Variants in MAGI3 observed in about 807,000 individuals in gnomAD.
The protein encoded by MAGI3 is membrane associated guanylate kinase, WW and PDZ domain containing 3, also known as membrane-associated guanylate kinase, WW and PDZ domain-containing protein 3.
MAGI3 carries 43 observed loss-of-function variants against 121.8 expected under a neutral mutation model. The ratio of observed to expected loss-of-function variants is 0.35; its 90% CI spans 0.28 to 0.46. MAGI3 has a LOEUF of 0.46. Ranked by LOEUF, MAGI3 falls within the 20% of genes least tolerant of loss-of-function variation. The pLI, the probability that MAGI3 is intolerant of heterozygous loss-of-function variation, is 1.00. For synonymous variants in MAGI3, 553 were observed against 639.3 expected, an observed-to-expected ratio of 0.86 and a Z score of 2.04; for missense variants, 1,547 against 1,797.3, an observed-to-expected ratio of 0.86 and a Z score of 2.52.
intron 1 of MAGI3, among the ~76,000 whole-genome samples, chr1:113,460,008 G>A (rs1420498521): frequency 6.6e-6 from 1 of 152,170 alleles, no homozygotes; most frequent in Non-Finnish European, 1.5e-5. Flanking sequence ...GAACATTGAT[G>A]TACAAATCCT....
intron 12 of MAGI3, among the ~76,000 whole-genome samples, chr1:113,648,250 C>T (rs1460375519): frequency 6.6e-6 from 1 of 152,092 alleles, no homozygotes; most frequent in African/African-American, 2.4e-5. Flanking sequence ...GATACTGCTT[C>T]TATAGAATAT....
chr1:113,657,339 C>T (rs889466789), intron 15 of MAGI3, among the ~76,000 whole-genome samples: 5 of 152,180 alleles, frequency 3.3e-5, no homozygotes, highest in Admixed American at 3.3e-4. Context: ...TTAACTGTTC[C>T]GGTGACACTG....
chr1:113,431,069 A>G (rs748550767), intron 1 of MAGI3, among the ~76,000 whole-genome samples: 5 of 152,198 alleles, frequency 3.3e-5, no homozygotes, highest in Admixed American at 2.0e-4. Flanking sequence ...ACCTGGGGAC[A>G]TACACAGACC....
intron 2 of MAGI3, among the ~76,000 whole-genome samples, chr1:113,565,341 C>A (rs1660399997): frequency 6.6e-6 from 1 of 152,072 alleles, no homozygotes; most frequent in Admixed American, 6.6e-5. Flanking sequence ...ATCTCATTTT[C>A]TTTTTTAATT....
At chr1:113,650,947 A>C in intron 13 of MAGI3, 67 bp from the exon 14 acceptor site, 37 of 1,353,674 alleles carry the variant, frequency 2.7e-5, no homozygotes, top group Non-Finnish European at 3.3e-5. Context: ...ATGCTAAGTT[A>C]GGAATTCCTT....
chr1:113,608,424 A>C (rs1206148671), intron 6 of MAGI3, among the ~76,000 whole-genome samples: 1 of 152,228 alleles, frequency 6.6e-6, no homozygotes, highest in African/African-American at 2.4e-5. Flanking sequence ...CCAGAGACAG[A>C]CAGATGAAGT....
chr1:113,479,642 T>C (rs1249202292), intron 1 of MAGI3, among the ~76,000 whole-genome samples: 1 of 152,238 alleles, frequency 6.6e-6, no homozygotes, highest in Non-Finnish European at 1.5e-5. Flanking sequence ...CATTTTTTTC[T>C]TCCAGATTTG....
Position 113,642,211 on chromosome 1 carries a change from A to G in MAGI3, c.1661A>G (p.Asn554Ser), listed in dbSNP as rs748670223. ...CACACTTTGACTGGTGATGGTCTCA[A>G]TGGACCATCAGATGCAAGTGAGCAG... ...SGHTLTGDGL[N>S]GPSDASEQRV... The change falls in exon 10 of 21, where the codon AAT becomes AGT. Residue 554 changes from asparagine (N) to serine (S), a missense_variant. Coordinates refer to ENST00000307546, the MANE Select transcript of MAGI3 (RefSeq NM_001142782.2). 1.4e-5 allele frequency: 22 copies of G among 1,614,000 alleles called. No individual in the cohort carries two copies. Among genetic ancestry groups the G allele is most frequent in the Non-Finnish European group, 1.6e-5 (19 of 1,179,972 alleles).
chr1:113,635,719 G>A (rs1408670271), intron 9 of MAGI3, among the ~76,000 whole-genome samples: 21 of 152,280 alleles, frequency 1.4e-4, no homozygotes, highest in Middle Eastern at 3.4e-3. Flanking sequence ...CAGCTTTGGT[G>A]TCAGGATGAT....
chr1:113,505,434 T>C (rs12138058), intron 1 of MAGI3, among the ~76,000 whole-genome samples: 1,838 of 151,786 alleles, frequency 0.012, 14 homozygotes, highest in Non-Finnish European at 0.02. Flanking sequence ...ATTCAACAAA[T>C]ATTTCTTGAT....
intron 16 of MAGI3, among the ~76,000 whole-genome samples, chr1:113,661,885 T>C (rs1229680707): frequency 6.6e-6 from 1 of 152,220 alleles, no homozygotes; most frequent in Non-Finnish European, 1.5e-5. Flanking sequence ...TTTTTTAAAC[T>C]ATGAAAACAT....
At chr1:113,604,861 T>C (rs955366415) in intron 6 of MAGI3, among the ~76,000 whole-genome samples, 3 of 151,436 alleles carry the variant, frequency 2.0e-5, no homozygotes, top group South Asian at 4.2e-4. Context: ...AAACTACATA[T>C]TGGGTATAAT....
intron 1 of MAGI3, among the ~76,000 whole-genome samples, chr1:113,407,666 A>G (rs1651762814): frequency 6.6e-6 from 1 of 152,078 alleles, no homozygotes; most frequent in Non-Finnish European, 1.5e-5. Flanking sequence ...CAGATGAGAA[A>G]ACTAAACCTT....
chr1:113,476,939 T>C (rs1191312617), intron 1 of MAGI3, among the ~76,000 whole-genome samples: 1 of 152,208 alleles, frequency 6.6e-6, no homozygotes, highest in Non-Finnish European at 1.5e-5. Context: ...TAGGATAGTT[T>C]GCTCTTCTTG....
intron 1 of MAGI3, among the ~76,000 whole-genome samples, chr1:113,503,292 G>A (rs1384639125): frequency 7.4e-5 from 5 of 67,368 alleles, no homozygotes; most frequent in Non-Finnish European, 1.3e-4. Flanking sequence ...GGGTGTCAAA[G>A]CGAGACCCTG....
At chr1:113,657,644 A>G (rs1255340873) in intron 15 of MAGI3, among the ~76,000 whole-genome samples, 1 of 152,244 alleles carries the variant, frequency 6.6e-6, no homozygotes, top group Non-Finnish European at 1.5e-5. Context: ...ATATTGATTT[A>G]GAAGGTCACC....
intron 2 of MAGI3, among the ~76,000 whole-genome samples, chr1:113,559,468 G>A (rs148173613): frequency 9.2e-5 from 14 of 152,264 alleles, no homozygotes; most frequent in African/African-American, 3.1e-4. Context: ...AGTCAAAGAA[G>A]GGCATTACAT....
In MAGI3 at chr1:113,683,735, C is replaced by T; in HGVS notation, c.4167C>T (p.Thr1389=). The T allele has an allele frequency of 6.3e-7, 1 of 1,599,852 alleles. No individual in the cohort carries two copies. The highest frequency in any genetic ancestry group is 2.2e-5 in the East Asian group (1 of 44,562). ...VSENEKGKKV[T]TGETSSSNDK... is the part of the protein sequence containing the mutation. ...AAAATGAAAAAGGAAAGAAAGTAAC[C>T]ACAGGAGAAACAAGTTCTAGTAACG... The change falls in exon 21 of 21, where the codon ACC becomes ACT. Residue 1389 remains threonine, a synonymous_variant. Transcript: ENST00000307546.
chr1:113,650,897 G>C lies in MAGI3; in HGVS notation c.2248-117G>C, dbSNP rs77792608. 768 of 861,260 alleles carry C rather than the reference G, an allele frequency of 8.9e-4. 13 individuals carry two copies. The East Asian group carries it at 0.02, about 23-fold the overall frequency. The allele number at this position is 861,260 out of a possible 1,614,324, so 53.4% of individuals were successfully genotyped here. On this transcript the variant is annotated intron_variant, in intron 13 of 20. Transcript: ENST00000307546. ...GATAATACCTTTCTAAAATATAACT[G>C]TTTTCATAGTTGAACTGCAAAAATC...
Sources: gnomAD v4.1 joint callset for allele counts (sites outside exome capture counted in the v4.1 genomes callset) on GRCh38, gnomAD v4.1.1 for gene constraint, MANE v1.5 for transcripts, NCBI Gene and HGNC (gene_info 2026-07-23, HGNC 2026-07-21) for gene names.